Variants in ANKRD27 observed in about 807,000 individuals in gnomAD.
The protein encoded by ANKRD27 is ankyrin repeat domain-containing protein 27.
A neutral mutation model predicts 129.7 loss-of-function variants in ANKRD27; 112 were observed. The observed-to-expected ratio is 0.86, with a 90% confidence interval of 0.74 to 1.01. ANKRD27 has a LOEUF of 1.01. Among genes scored for constraint, ANKRD27 ranks in the 50% least tolerant of loss-of-function variants. ANKRD27 has a pLI of 0.00. For synonymous variants in ANKRD27, 516 were observed against 511.2 expected (o/e 1.01, Z -0.13); for missense variants, 1,258 against 1,300.5 (o/e 0.97, Z 0.50).
chr19:32,664,004 C>T (rs182198414), intron 1 of ANKRD27, among the ~76,000 whole-genome samples: 1,788 of 133,252 alleles, frequency 0.013, 52 homozygotes, highest in African/African-American at 0.047. Flanking sequence ...TGCAGTGAGC[C>T]GAGATCCCGC....
intron 22 of ANKRD27, among the ~76,000 whole-genome samples, chr19:32,614,743 G>A (rs1460445798): frequency 6.6e-6 from 1 of 151,976 alleles, no homozygotes; most frequent in Admixed American, 6.6e-5. Context: ...ATCTGTCACA[G>A]AAAATATCTT....
intron 16 of ANKRD27, 95 bp downstream of exon 16, chr19:32,626,617 G>A: frequency 3.4e-6 from 3 of 891,054 alleles, no homozygotes; most frequent in East Asian, 3.0e-5. Flanking sequence ...CAGGAGACAG[G>A]GGTGCAGGGT....
At chr19:32,664,905 G>T (rs1452998556) in intron 1 of ANKRD27, among the ~76,000 whole-genome samples, 1 of 121,680 alleles carries the variant, frequency 8.2e-6, no homozygotes, top group Admixed American at 9.8e-5. Context: ...GGGTGACAGA[G>T]TGAGACTCTG....
intron 23 of ANKRD27, among the ~76,000 whole-genome samples, chr19:32,607,040 T>C (rs1451933489): frequency 7.3e-6 from 1 of 137,802 alleles, no homozygotes; most frequent in Admixed American, 7.9e-5. Context: ...GAGGCTGAGA[T>C]GGGAGGATTG....
At chr19:32,614,733 A>G (rs1971887521) in intron 22 of ANKRD27, among the ~76,000 whole-genome samples, 1 of 152,152 alleles carries the variant, frequency 6.6e-6, no homozygotes, top group South Asian at 2.1e-4. Context: ...ATATAAAAGT[A>G]TCTGTCACAG....
chr19:32,661,479 G>A (rs912835662), intron 1 of ANKRD27, among the ~76,000 whole-genome samples: 3 of 152,040 alleles, frequency 2.0e-5, no homozygotes, highest in Non-Finnish European at 4.4e-5. Flanking sequence ...TGGGACTGCA[G>A]GCATGCACCA....
At chr19:32,657,623 A>C (rs1460236384) in intron 2 of ANKRD27, among the ~76,000 whole-genome samples, 7 of 128,262 alleles carry the variant, frequency 5.5e-5, no homozygotes, top group African/African-American at 1.8e-4. Flanking sequence ...ACTCTGTCTC[A>C]AAAAAAAAAA....
At chr19:32,644,562 C>G in intron 4 of ANKRD27, 83 bp from the exon 5 acceptor site, 1 of 1,478,320 alleles carries the variant, frequency 6.8e-7, no homozygotes, top group Non-Finnish European at 9.2e-7. Flanking sequence ...CCTAGGCCCT[C>G]TGGGGAGGAG....
intron 27 of ANKRD27, 63 bp downstream of exon 27, chr19:32,599,909 T>TA (rs780954059): frequency 2.0e-6 from 3 of 1,523,256 alleles, no homozygotes; most frequent in Non-Finnish European, 2.7e-6. Flanking sequence ...TGAAGCAGCT[T>TA]ACGTGCAGCT....
At chr19:32,656,059 A>AAAAGAAAG (rs752509674) in intron 2 of ANKRD27, among the ~76,000 whole-genome samples, 3,989 of 64,674 alleles carry the variant, frequency 0.062, 141 homozygotes, top group Non-Finnish European at 0.081. Context: ...GAAAAGAAAG[A>AAAAGAAAG]AAAGAAAGAA....
intron 1 of ANKRD27, among the ~76,000 whole-genome samples, chr19:32,671,056 G>GAGGC (rs1393401999): frequency 6.6e-6 from 1 of 152,074 alleles, no homozygotes; most frequent in East Asian, 1.9e-4. Flanking sequence ...AGCACTTTGG[G>GAGGC]AGGCTGAGGC....
In ANKRD27 at chr19:32,607,642, T is replaced by A; in HGVS notation, c.2366A>T (p.His789Leu). 2 of 1,611,192 alleles carry A rather than the reference T, an allele frequency of 1.2e-6. No homozygotes were observed. Among genetic ancestry groups the A allele is most frequent in the Non-Finnish European group, 1.7e-6 (2 of 1,179,508 alleles). The part of the protein sequence containing the change: ...VPLHLACQQG[H>L]FQVVKCLLDS... ...CCAACACACAGCCCGAACCTGAAAG[T>A]GGCCCTGCTGGCAGGCCAGGTGGAG... Residue 789 changes from histidine to leucine, a missense_variant, in exon 23 of 29, where the codon CAC becomes CTC. Coordinates refer to ENST00000306065, the MANE Select transcript of ANKRD27 (RefSeq NM_032139.3).
At chr19:32,615,066 C>T (rs1971894082) in intron 22 of ANKRD27, among the ~76,000 whole-genome samples, 1 of 152,120 alleles carries the variant, frequency 6.6e-6, no homozygotes, top group Non-Finnish European at 1.5e-5. Flanking sequence ...TGGAAGGAGA[C>T]CCTTGAGCAT....
intron 1 of ANKRD27, among the ~76,000 whole-genome samples, chr19:32,672,461 G>A (rs1002595018): frequency 6.6e-6 from 1 of 152,182 alleles, no homozygotes; most frequent in Admixed American, 6.6e-5. Flanking sequence ...AAACGATAGT[G>A]GGGCATTAAG....
At position 32,628,130 on chromosome 19, in the gene ANKRD27, G is replaced by C. The variant is rs1478106801; in HGVS notation, c.1373C>G (p.Ser458Cys). ...AGGGGTGTGCCCCCTGTCGTCTCTGGAGAATGGAGTGACAACTGAGGGATC... is the reference window on the plus strand; with the variant it reads ...AGGGGTGTGCCCCCTGTCGTCTCTGCAGAATGGAGTGACAACTGAGGGATC... Reference protein sequence around the residue: ...LNDPSVVTPFSRDDRGHTPLH... With the variant: ...LNDPSVVTPFCRDDRGHTPLH... The change falls in exon 15 of 29, where the codon TCC (serine) becomes TGC (cysteine). Residue 458 changes from serine to cysteine, a missense_variant. Coordinates refer to ENST00000306065, the MANE Select transcript of ANKRD27 (RefSeq NM_032139.3). The C allele has an allele frequency of 6.2e-7, 1 of 1,614,216 alleles. No individual in the cohort carries two copies. Among genetic ancestry groups the C allele is most frequent in the Non-Finnish European group, 8.5e-7 (1 of 1,180,022 alleles).
At chr19:32,633,021 C>T (rs1018859972) in intron 12 of ANKRD27, among the ~76,000 whole-genome samples, 9 of 152,172 alleles carry the variant, frequency 5.9e-5, no homozygotes, top group African/African-American at 1.9e-4. Context: ...TCTAACAATC[C>T]ACTTTACACC....
chr19:32,643,050 G>C (rs373915028), intron 9 of ANKRD27, 73 bp downstream of exon 9: 2 of 1,465,180 alleles, frequency 1.4e-6, no homozygotes, highest in East Asian at 4.5e-5. Flanking sequence ...CTGCCACCGA[G>C]AGGGCCTGCT....
chr19:32,613,758 G>A (rs938984972), intron 22 of ANKRD27, among the ~76,000 whole-genome samples: 1 of 146,854 alleles, frequency 6.8e-6, no homozygotes, highest in Admixed American at 7.0e-5. Flanking sequence ...GCCCAGGCTG[G>A]AGTGCGGTGG....
rs1354539910 is a variant in ANKRD27 at position 32,647,791 on chromosome 19, G to A, written c.214-1176C>T. 3.9e-5 allele frequency among the ~76,000 whole-genome samples: 6 copies of A among 152,200 alleles called. 1 individual carries two copies. The highest frequency in any genetic ancestry group is 6.5e-5 in the Admixed American group (1 of 15,288). ...CGCAGCTGGTCTGCCCCCAGCACCC[G>A]GCCATGACCACAGTAAGCCATGCAG... On this transcript the variant is annotated intron_variant, in intron 3 of 28. Coordinates refer to ENST00000306065, the MANE Select transcript of ANKRD27 (RefSeq NM_032139.3).
Sources: gnomAD v4.1 joint callset for allele counts (sites outside exome capture counted in the v4.1 genomes callset) on GRCh38, gnomAD v4.1.1 for gene constraint, MANE v1.5 for transcripts, NCBI Gene and HGNC (gene_info 2026-07-23, HGNC 2026-07-21) for gene names.